Variants in ST6GALNAC3 observed in about 807,000 individuals in gnomAD.
ST6GALNAC3 encodes the protein ST6 N-acetylgalactosaminide alpha-2,6-sialyltransferase 3.
ST6GALNAC3 carries 25 observed loss-of-function variants against 32.7 expected under a neutral mutation model. That is an observed-to-expected ratio of 0.76 (90% CI 0.56 to 1.07). The LOEUF (loss-of-function observed/expected upper bound fraction) is 1.07, where lower values mean the gene tolerates loss of function less well. ST6GALNAC3 is among the 50% of genes least tolerant of loss of function. The pLI is 0.00. For missense variants in ST6GALNAC3, 355 were observed against 382.4 expected (o/e 0.93, Z 0.60); for synonymous variants, 129 against 133.1 (o/e 0.97, Z 0.21).
chr1:76,307,826 C>T (rs1194920565), intron 1 of ST6GALNAC3: 13 of 476,780 alleles, frequency 2.7e-5, no homozygotes, highest in South Asian at 4.6e-5. Context: ...TTGCTAGGTC[C>T]GGATCTTTGC....
intron 1 of ST6GALNAC3, among the ~76,000 whole-genome samples, chr1:76,149,202 A>G (rs1450758637): frequency 1.3e-5 from 2 of 152,218 alleles, no homozygotes; most frequent in East Asian, 1.9e-4. Flanking sequence ...TGCCTGCTGC[A>G]TATGGTCAAA....
At chr1:76,211,814 T>C (rs1655183944) in intron 1 of ST6GALNAC3, among the ~76,000 whole-genome samples, 1 of 152,014 alleles carries the variant, frequency 6.6e-6, no homozygotes, top group African/African-American at 2.4e-5. Flanking sequence ...AGGGATAGCA[T>C]TAGGAGATAT....
At chr1:76,594,934 T>G (rs1647110580) in intron 3 of ST6GALNAC3, among the ~76,000 whole-genome samples, 1 of 152,200 alleles carries the variant, frequency 6.6e-6, no homozygotes, top group South Asian at 2.1e-4. Context: ...ATTATTAGCA[T>G]TTTACATTAA....
chr1:76,568,392 A>G (rs1665676882), intron 3 of ST6GALNAC3, among the ~76,000 whole-genome samples: 2 of 152,168 alleles, frequency 1.3e-5, no homozygotes, highest in Admixed American at 6.5e-5. Context: ...AAGCCTATCT[A>G]CAGAAATGTT....
At chr1:76,412,525 T>C in intron 3 of ST6GALNAC3, 108 bp downstream of exon 3, 1 of 1,187,652 alleles carries the variant, frequency 8.4e-7, no homozygotes, top group Non-Finnish European at 1.1e-6. Context: ...TTTACGCTGA[T>C]TGTTATATGT....
Position 76,629,195 on chromosome 1 carries a change from T to C in ST6GALNAC3, c.*389T>C, listed in dbSNP as rs770871452. The stretch of plus-strand genomic sequence containing the variant: ...AGTTTGGCTTCATGAGGCAAGGTGA[T>C]TGACTCAATGGCTTGTTGAATCTCA... On this transcript the variant is annotated 3_prime_UTR_variant, in exon 5 of 5. Transcript: ENST00000328299. The C allele has an allele frequency of 1.7e-5, 17 of 1,012,948 alleles. No homozygotes were observed. The highest frequency in any genetic ancestry group is 1.1e-4 in the East Asian group (1 of 9,210). 62.7% of individuals were successfully genotyped at this position (1,012,948 alleles called of 1,614,324 possible).
chr1:76,181,616 T>C (rs1277012259), intron 1 of ST6GALNAC3, among the ~76,000 whole-genome samples: 1 of 152,228 alleles, frequency 6.6e-6, no homozygotes, highest in Non-Finnish European at 1.5e-5. Flanking sequence ...GAAGGTAATA[T>C]TCACGTTACC....
In ST6GALNAC3 at chr1:76,629,037, G is replaced by T. The variant is rs144689634; in HGVS notation, c.*231G>T. 86 of 1,282,002 alleles carry T rather than the reference G, an allele frequency of 6.7e-5. No homozygotes were observed. The African/African-American group carries it at 1.3e-3, about 19-fold the overall frequency. 79.4% of individuals were successfully genotyped at this position (1,282,002 alleles called of 1,614,324 possible). A position where few individuals can be genotyped will look rare whatever the true frequency, so the allele number is the denominator to read the frequency against. Reference sequence around the variant, plus strand: ...TTCTGGAGGTTCAACACTACGTACCGCACTTTATAATTTAACTGGAATTGA... The same window carrying T: ...TTCTGGAGGTTCAACACTACGTACCTCACTTTATAATTTAACTGGAATTGA... On this transcript the variant is annotated 3_prime_UTR_variant, in exon 5 of 5. Transcript: ENST00000328299.
intron 3 of ST6GALNAC3, among the ~76,000 whole-genome samples, chr1:76,511,211 A>G (rs1327231147): frequency 1.3e-5 from 2 of 152,302 alleles, no homozygotes; most frequent in African/African-American, 4.8e-5. Context: ...TGTGTGACTT[A>G]AAACCCTTCA....
chr1:76,442,418 T>G (rs1377168675), intron 3 of ST6GALNAC3, among the ~76,000 whole-genome samples: 3 of 152,194 alleles, frequency 2.0e-5, no homozygotes, highest in Non-Finnish European at 4.4e-5. Flanking sequence ...GATTTTCCAC[T>G]CTTTTGGAAT....
intron 3 of ST6GALNAC3, among the ~76,000 whole-genome samples, chr1:76,492,154 T>C (rs1343025452): frequency 6.6e-6 from 1 of 152,174 alleles, no homozygotes; most frequent in Non-Finnish European, 1.5e-5. Flanking sequence ...CTTCACTCTT[T>C]CCCTGACTGA....
intron 3 of ST6GALNAC3, among the ~76,000 whole-genome samples, chr1:76,463,807 C>T (rs917102769): frequency 6.6e-6 from 1 of 152,074 alleles, no homozygotes; most frequent in African/African-American, 2.4e-5. Context: ...TCAATATGGG[C>T]TGCAATCGAG....
chr1:76,339,858 C>T (rs555595178), intron 2 of ST6GALNAC3, among the ~76,000 whole-genome samples: 9 of 152,202 alleles, frequency 5.9e-5, no homozygotes, highest in African/African-American at 1.9e-4. Flanking sequence ...AACCGGAGTC[C>T]ACATCTATTT....
At chr1:76,371,704 T>C (rs1388962584) in intron 2 of ST6GALNAC3, among the ~76,000 whole-genome samples, 1 of 152,188 alleles carries the variant, frequency 6.6e-6, no homozygotes, top group Non-Finnish European at 1.5e-5. Flanking sequence ...TATTTTATGC[T>C]TCCTGTTCTG....
intron 1 of ST6GALNAC3, among the ~76,000 whole-genome samples, chr1:76,131,807 G>C (rs976291258): frequency 6.6e-6 from 1 of 152,142 alleles, no homozygotes; most frequent in East Asian, 1.9e-4. Context: ...GGAAGAGGAG[G>C]AGTGTATTTG....
intron 3 of ST6GALNAC3, among the ~76,000 whole-genome samples, chr1:76,517,233 A>ATATG (rs1662227647): frequency 6.6e-6 from 1 of 151,826 alleles, no homozygotes; most frequent in African/African-American, 2.4e-5. Context: ...ATATTGTTTT[A>ATATG]TATGTTCAAG....
chr1:76,344,977 C>T (rs1028772886), intron 2 of ST6GALNAC3, among the ~76,000 whole-genome samples: 3 of 152,206 alleles, frequency 2.0e-5, no homozygotes, highest in African/African-American at 7.2e-5. Context: ...CTATCATTTC[C>T]TCATGCCCCA....
rs570420849 is a variant in ST6GALNAC3, at chr1:76,227,113, AC to A, written c.19-86691del. Among the ~76,000 whole-genome samples the A allele has an allele frequency of 3.9e-5, 6 of 152,332 alleles. No homozygotes were observed. In the South Asian group the frequency reaches 1.2e-3, roughly 32 times the overall value. Reference sequence around the variant, plus strand: ...GCAACTGTAATTGCCAATTGATGGTACAAATGGACAGGTAAATCCAAGAAGT... The same window carrying A: ...GCAACTGTAATTGCCAATTGATGGTAAAATGGACAGGTAAATCCAAGAAGT... On this transcript the variant is annotated intron_variant, in intron 1 of 4. Transcript: ENST00000328299.
intron 1 of ST6GALNAC3, among the ~76,000 whole-genome samples, chr1:76,150,815 G>C (rs1051083084): frequency 2.0e-5 from 3 of 152,230 alleles, no homozygotes; most frequent in Admixed American, 6.5e-5. Context: ...TGGTCTGTGT[G>C]CATGTGGACT....
Sources: allele counts gnomAD v4.1 joint callset (sites outside exome capture counted in the v4.1 genomes callset), GRCh38; gene constraint gnomAD v4.1.1; transcripts MANE v1.5; gene names NCBI Gene and HGNC (gene_info 2026-07-23, HGNC 2026-07-21).